The following HIBCH variants were observed in gnomAD, a reference collection of about 807,000 sequenced individuals.
HIBCH encodes 3-hydroxyisobutyryl-CoA hydrolase, mitochondrial.
HIBCH carries 50 observed loss-of-function variants against 58.2 expected under a neutral mutation model. The ratio of observed to expected loss-of-function variants is 0.86; its 90% CI spans 0.68 to 1.09. HIBCH has a LOEUF of 1.09. HIBCH is among the 50% of genes least tolerant of loss of function. The pLI is 0.00. For missense variants in HIBCH, 450 were observed against 449.7 expected (o/e 1.00, Z -0.01); for synonymous variants, 151 against 146.9 (o/e 1.03, Z -0.20).
chr2:190,246,083 A>C, intron 10 of HIBCH, 71 bp downstream of exon 10: 1 of 877,600 alleles, frequency 1.1e-6, no homozygotes, highest in Non-Finnish European at 1.9e-6. Context: ...AATGGTAATT[A>C]TAATGTTAGC....
intron 5 of HIBCH, 116 bp from the exon 6 acceptor site, chr2:190,287,754 A>C: frequency 2.8e-6 from 2 of 711,100 alleles, no homozygotes; most frequent in South Asian, 3.3e-5. Context: ...TTTAGCAAGA[A>C]ACACCAAAGA....
At chr2:190,239,736 G>A (rs375578972) in intron 11 of HIBCH, among the ~76,000 whole-genome samples, 125 of 145,446 alleles carry the variant, frequency 8.6e-4, no homozygotes, top group East Asian at 4.8e-3. Flanking sequence ...TGCAACCTCC[G>A]CCTCCTGGGC....
At chr2:190,195,743 A>G (rs917360812) in intron 1 of HIBCH, among the ~76,000 whole-genome samples, 23 of 152,146 alleles carry the variant, frequency 1.5e-4, no homozygotes, top group African/African-American at 4.8e-4. Context: ...TCTTAAACAG[A>G]GCAGTTTTTT....
rs1199140734 is a variant in HIBCH at position 190,315,789 on chromosome 2, G to A, written c.35+3927C>T. ...GTTTTTATAAAGTAAAAACTCAATG[G>A]AAAGGAATGTCAAAAATGACTTTAA... On this transcript the variant is annotated intron_variant, in intron 1 of 13. Coordinates refer to ENST00000359678, the MANE Select transcript of HIBCH (RefSeq NM_014362.4). This position sits in a 1 kb window ranked among gnomAD's most constrained non-coding sequence, Gnocchi z 5.4. Among the ~76,000 whole-genome samples the A allele has an allele frequency of 6.6e-6, 1 of 152,182 alleles. No homozygotes were observed. Among genetic ancestry groups the A allele is most frequent in the Non-Finnish European group, 1.5e-5 (1 of 68,030 alleles).
rs1456622534 is a variant in HIBCH, at chr2:190,317,771, G to C, written c.35+1945C>G. 2.0e-5 allele frequency among the ~76,000 whole-genome samples: 3 copies of C among 152,180 alleles called. No homozygotes were observed. The South Asian group carries it at 6.2e-4, about 32-fold the overall frequency. On this transcript the variant is annotated intron_variant, in intron 1 of 13. Transcript: ENST00000359678. ...ATCTAGAAGAATGATAGTGCCAAGA[G>C]AGACAAAGAGTAAGGGTTATACTTA... is the stretch of plus-strand genomic sequence containing the variant.
intron 2 of HIBCH, among the ~76,000 whole-genome samples, chr2:190,308,120 G>A (rs1370501732): frequency 2.6e-5 from 4 of 152,198 alleles, no homozygotes; most frequent in Non-Finnish European, 5.9e-5. Context: ...CAAACACTGA[G>A]ATTCAGAATT....
In HIBCH at chr2:190,217,159, C is replaced by T. The variant is rs1184147140; in HGVS notation, c.892-4084G>A. Among the ~76,000 whole-genome samples, 2 of 152,166 alleles carry T rather than the reference C, an allele frequency of 1.3e-5. No homozygotes were observed. Among genetic ancestry groups the T allele is most frequent in the African/African-American group, 2.4e-5 (1 of 41,446 alleles). On this transcript the variant is annotated intron_variant, in intron 11 of 13. Transcript: ENST00000359678. The surrounding 1 kb of genome is among the most constrained non-coding windows in gnomAD (Gnocchi z 4.6). The stretch of plus-strand genomic sequence containing the variant: ...ACCCTGGGAAGCCAGCTGGTCAGTC[C>T]CTTGCCTCCCCAAGTTCCTCCAGGG...
At chr2:190,269,644 C>T (rs913077526) in intron 6 of HIBCH, among the ~76,000 whole-genome samples, 1 of 152,158 alleles carries the variant, frequency 6.6e-6, no homozygotes, top group Non-Finnish European at 1.5e-5. Context: ...TTAGTTCAAC[C>T]ATTGTGGAAG....
rs565652380 is a variant in HIBCH, at chr2:190,221,061, G to A, written c.892-7986C>T. Among the ~76,000 whole-genome samples the A allele has an allele frequency of 4.6e-5, 7 of 151,414 alleles. No individual in the cohort carries two copies. The East Asian group carries it at 5.8e-4, about 13-fold the overall frequency. ...ATCAATTAATTTTATAAGAAAGGCC[G>A]CACAGGACCCGTTTATCTGTGCTTG... On this transcript the variant is annotated intron_variant, in intron 11 of 13. Transcript: ENST00000359678.
At chr2:190,225,735 A>G (rs1210229842) in intron 11 of HIBCH, among the ~76,000 whole-genome samples, 1 of 152,218 alleles carries the variant, frequency 6.6e-6, no homozygotes, top group African/African-American at 2.4e-5. Context: ...ATTCCAATCA[A>G]CAGAAAAAGA....
At chr2:190,252,393 A>G in intron 7 of HIBCH, 86 bp from the exon 8 acceptor site, 2 of 1,129,206 alleles carry the variant, frequency 1.8e-6, no homozygotes, top group South Asian at 1.3e-5. Flanking sequence ...CACACAAACC[A>G]TTTCTCTCTG....
intron 11 of HIBCH, among the ~76,000 whole-genome samples, chr2:190,240,412 G>T (rs1161829617): frequency 6.6e-6 from 1 of 151,638 alleles, no homozygotes; most frequent in Non-Finnish European, 1.5e-5. Flanking sequence ...CTGGCTAGTG[G>T]TCTATTTTGT....
intron 1 of HIBCH, among the ~76,000 whole-genome samples, 196 bp downstream of exon 1, chr2:190,319,520 A>G (rs1688793054): frequency 6.6e-6 from 1 of 152,216 alleles, no homozygotes; most frequent in South Asian, 2.1e-4. Flanking sequence ...TGCTGCTGCA[A>G]AGAAGATGCT....
At chr2:190,247,731 GGC>G (rs1203385752) in intron 9 of HIBCH, among the ~76,000 whole-genome samples, 1 of 151,978 alleles carries the variant, frequency 6.6e-6, no homozygotes, top group Non-Finnish European at 1.5e-5. Flanking sequence ...AAATTTTACA[GGC>G]ATAACCACTA....
chr2:190,270,826 C>T (rs1687375961), intron 6 of HIBCH, among the ~76,000 whole-genome samples: 2 of 152,034 alleles, frequency 1.3e-5, no homozygotes, highest in Admixed American at 6.6e-5. Flanking sequence ...CTCATATTAA[C>T]GGGCTCATAT....
chr2:190,225,029 A>C lies in HIBCH; in HGVS notation c.892-11954T>G, dbSNP rs200345356. Among the ~76,000 whole-genome samples the C allele has an allele frequency of 2.6e-5, 4 of 152,374 alleles. No homozygotes were observed. In the East Asian group the frequency reaches 7.7e-4, roughly 29 times the overall value. On this transcript the variant is annotated intron_variant, in intron 11 of 13. Coordinates refer to ENST00000359678, the MANE Select transcript of HIBCH (RefSeq NM_014362.4). ...TTGCTCCTGAATGACTACTAGGTAC[A>C]TAACGAAATGAAGGCAGAAATAAGA...
In HIBCH at chr2:190,281,525, G is replaced by A. The variant is rs1468875019; in HGVS notation, c.438+6061C>T. 6.6e-6 allele frequency among the ~76,000 whole-genome samples: 1 copy of A among 152,150 alleles called. No homozygotes were observed. The highest frequency in any genetic ancestry group is 1.5e-5 in the Non-Finnish European group (1 of 68,036). On this transcript the variant is annotated intron_variant, in intron 6 of 13. Coordinates refer to ENST00000359678, the MANE Select transcript of HIBCH (RefSeq NM_014362.4). This position sits in a 1 kb window ranked among gnomAD's most constrained non-coding sequence, Gnocchi z 5.4. ...TGTGATGAGAAAGGGAGGCTCAAAG[G>A]TCTCGGAAATGCCTTGAGGGTCTTT... is the stretch of plus-strand genomic sequence containing the variant.
At chr2:190,220,431 G>A (rs181155774) in intron 11 of HIBCH, 36 of 152,020 alleles carry the variant, frequency 2.4e-4, no homozygotes, top group African/African-American at 7.7e-4. Context: ...AGATGACTTC[G>A]GTACAGGAAA....
At position 190,197,274 on chromosome 2, in the gene HIBCH, G is replaced by A. The variant is rs1342393724; in HGVS notation, c.*18-7277C>T. Among the ~76,000 whole-genome samples, 1 of 152,142 alleles carries A rather than the reference G, an allele frequency of 6.6e-6. No homozygotes were observed. Among genetic ancestry groups the A allele is most frequent in the East Asian group, 1.9e-4 (1 of 5,190 alleles). ...TTTAGGGTATACTACTGATTCCTAA[G>A]GTGTCGCATTTCTTGAGTAGTAACT... On this transcript the variant is annotated intron_variant, in intron 1 of 1. Coordinates refer to the HIBCH transcript ENST00000399855. The surrounding 1 kb of genome is among the most constrained non-coding windows in gnomAD (Gnocchi z 4.0).
Sources: gnomAD v4.1 joint callset for allele counts (sites outside exome capture counted in the v4.1 genomes callset) on GRCh38, gnomAD v4.1.1 for gene constraint, Gnocchi (gnomAD v3.1) non-coding constraint, MANE v1.5 for transcripts, NCBI Gene and HGNC (gene_info 2026-07-23, HGNC 2026-07-21) for gene names.